The following MICU1 variants were observed in gnomAD, a reference collection of about 807,000 sequenced individuals.
The protein encoded by MICU1 is calcium uptake protein 1, mitochondrial.
Under a neutral mutation model 56.8 loss-of-function variants are expected in MICU1, and 45 were observed. That is an observed-to-expected ratio of 0.79 (90% CI 0.62 to 1.02). The LOEUF (loss-of-function observed/expected upper bound fraction) is 1.02, where lower values mean the gene tolerates loss of function less well. Ranked by LOEUF, MICU1 falls within the 50% of genes least tolerant of loss-of-function variation. MICU1 has a pLI of 0.00. For missense variants in MICU1, 504 were observed against 587.1 expected (o/e 0.86, Z 1.46); for synonymous variants, 186 against 195.1 (o/e 0.95, Z 0.39).
Position 72,590,814 on chromosome 10 carries a change from A to T in MICU1, c.-1-24020T>A, listed in dbSNP as rs1474456259. Among the ~76,000 whole-genome samples the T allele has an allele frequency of 2.0e-5, 3 of 148,968 alleles. No homozygotes were observed. In the East Asian group the frequency reaches 5.8e-4, roughly 29 times the overall value. On this transcript the variant is annotated intron_variant, in intron 1 of 11. Transcript: ENST00000361114. ...GGAGACAGAGTGAGACACGGTCTCA[A>T]AAAATAAAATAAATAAATAAATAAA...
intron 8 of MICU1, among the ~76,000 whole-genome samples, chr10:72,470,067 T>C (rs186600333): frequency 9.7e-4 from 148 of 152,336 alleles, no homozygotes; most frequent in African/African-American, 2.9e-3. Context: ...GGAATTTTGA[T>C]GGGACACAAT....
intron 6 of MICU1, among the ~76,000 whole-genome samples, chr10:72,479,918 C>G (rs1259606848): frequency 6.6e-6 from 1 of 152,232 alleles, no homozygotes; most frequent in African/African-American, 2.4e-5. Flanking sequence ...ACTTGGCCCA[C>G]TTCACTCCTA....
chr10:72,550,053 T>C (rs751944392), intron 4 of MICU1, among the ~76,000 whole-genome samples: 22 of 152,132 alleles, frequency 1.4e-4, no homozygotes, highest in Admixed American at 1.3e-4. Context: ...TCCCATAAGA[T>C]TATAATTGAG....
At chr10:72,432,690 G>A (rs1864579664) in intron 8 of MICU1, among the ~76,000 whole-genome samples, 1 of 152,180 alleles carries the variant, frequency 6.6e-6, no homozygotes, top group Non-Finnish European at 1.5e-5. Context: ...CAGCTCTCAT[G>A]TGAACGAGAG....
At chr10:72,391,583 C>A (rs925663991) in intron 10 of MICU1, among the ~76,000 whole-genome samples, 15 of 151,978 alleles carry the variant, frequency 9.9e-5, no homozygotes, top group African/African-American at 3.6e-4. Context: ...TATATGTAAT[C>A]TTGAGATAAT....
intron 1 of MICU1, among the ~76,000 whole-genome samples, chr10:72,613,743 C>T (rs1357342765): frequency 1.3e-5 from 2 of 152,152 alleles, no homozygotes; most frequent in Non-Finnish European, 2.9e-5. Context: ...AGGATCCCTA[C>T]AAATAAGACT....
At chr10:72,590,685 T>C (rs1323655925) in intron 1 of MICU1, among the ~76,000 whole-genome samples, 1 of 151,828 alleles carries the variant, frequency 6.6e-6, no homozygotes, top group Admixed American at 6.6e-5. Flanking sequence ...TGGTGGGGTG[T>C]GCCTGTAATC....
intron 5 of MICU1, among the ~76,000 whole-genome samples, chr10:72,523,228 C>T (rs1159678258): frequency 1.3e-5 from 2 of 152,182 alleles, no homozygotes; most frequent in East Asian, 1.9e-4. Flanking sequence ...CCTCTACAAA[C>T]TGTCCTACCA....
chr10:72,531,037 C>T (rs1209605899), intron 5 of MICU1, among the ~76,000 whole-genome samples: 2 of 151,988 alleles, frequency 1.3e-5, no homozygotes, highest in Admixed American at 6.5e-5. Context: ...AAGTTTAATT[C>T]AATTAGAAGG....
intron 1 of MICU1, among the ~76,000 whole-genome samples, chr10:72,590,107 T>C (rs1375973270): frequency 6.6e-6 from 1 of 152,120 alleles, no homozygotes; most frequent in Non-Finnish European, 1.5e-5. Context: ...AAAGACATAC[T>C]GGCAAAACAG....
At chr10:72,397,923 C>A (rs536516681) in intron 10 of MICU1, among the ~76,000 whole-genome samples, 4 of 152,234 alleles carry the variant, frequency 2.6e-5, no homozygotes, top group South Asian at 4.1e-4. Context: ...CAGCTCTGCA[C>A]CAAGTGGACC....
At chr10:72,581,465 C>T (rs772573357) in intron 1 of MICU1, among the ~76,000 whole-genome samples, 19 of 152,148 alleles carry the variant, frequency 1.2e-4, no homozygotes, top group Admixed American at 2.6e-4. Context: ...CCTGTCTCTA[C>T]TGAAGTACAA....
At chr10:72,397,334 A>G (rs1863301755) in intron 10 of MICU1, among the ~76,000 whole-genome samples, 1 of 152,240 alleles carries the variant, frequency 6.6e-6, no homozygotes, top group East Asian at 1.9e-4. Context: ...AAACAGGCCA[A>G]ATTGCAAAGA....
chr10:72,399,651 A>C (rs1440046290), intron 10 of MICU1, among the ~76,000 whole-genome samples: 2 of 151,900 alleles, frequency 1.3e-5, no homozygotes, highest in Non-Finnish European at 2.9e-5. Context: ...ATCTCAAAAA[A>C]TAAAAAATAA....
intron 10 of MICU1, 141 bp from the exon 11 acceptor site, chr10:72,376,013 G>T: frequency 1.3e-6 from 1 of 799,786 alleles, no homozygotes; most frequent in Non-Finnish European, 2.0e-6. Context: ...AAGTTAGGCT[G>T]GCCACAGTGG....
At chr10:72,614,877 T>C (rs1841939505) in intron 1 of MICU1, among the ~76,000 whole-genome samples, 1 of 152,202 alleles carries the variant, frequency 6.6e-6, no homozygotes, top group South Asian at 2.1e-4. Context: ...TTAATGCCAC[T>C]GTACATTAAA....
chr10:72,601,538 G>A (rs1220775345), intron 1 of MICU1, among the ~76,000 whole-genome samples: 1 of 151,614 alleles, frequency 6.6e-6, no homozygotes, highest in African/African-American at 2.4e-5. Context: ...TGCATGTGTA[G>A]GAAAAGAAAT....
intron 10 of MICU1, among the ~76,000 whole-genome samples, chr10:72,401,314 A>G (rs1051963851): frequency 1.3e-5 from 2 of 152,220 alleles, no homozygotes; most frequent in Admixed American, 1.3e-4. Context: ...GTTTTGACAT[A>G]TGTATATACT....
chr10:72,541,061 C>CTTT (rs1839761786), intron 4 of MICU1, among the ~76,000 whole-genome samples: 1 of 152,220 alleles, frequency 6.6e-6, no homozygotes, highest in Non-Finnish European at 1.5e-5. Context: ...ATGAAAGTGC[C>CTTT]TTTGCAAAGA....
Sources: gnomAD v4.1 joint callset for allele counts (sites outside exome capture counted in the v4.1 genomes callset) on GRCh38, gnomAD v4.1.1 for gene constraint, MANE v1.5 for transcripts, NCBI Gene and HGNC (gene_info 2026-07-23, HGNC 2026-07-21) for gene names.